Variants in FGGY observed in about 807,000 individuals in gnomAD.
FGGY encodes FGGY carbohydrate kinase domain containing.
A neutral mutation model predicts 71.3 loss-of-function variants in FGGY; 72 were observed. The observed-to-expected ratio is 1.01, with a 90% CI of 0.84 to 1.23. FGGY has a LOEUF of 1.23. FGGY is among the 50% of genes most tolerant of loss of function. The probability of loss-of-function intolerance (pLI) is 0.00; values close to 1 mark genes in which losing one functional copy is unlikely to be tolerated. For missense variants in FGGY, 668 were observed against 682.3 expected, an observed-to-expected ratio of 0.98 and a Z score of 0.23; for synonymous variants, 251 against 250.3, an observed-to-expected ratio of 1.00 and a Z score of -0.02.
rs1570730106 is a variant in FGGY at position 59,346,400 on chromosome 1, T to G, written c.465+2T>G. 3 of 1,610,922 alleles carry G rather than the reference T, an allele frequency of 1.9e-6. No homozygotes were observed. The highest frequency in any genetic ancestry group is 2.5e-6 in the Non-Finnish European group (3 of 1,179,340). On this transcript the variant is annotated splice_donor_variant, in intron 4 of 15. Transcript: ENST00000303721. LOFTEE classifies it high-confidence loss of function. ...CCGAAACTTCTGTGGCTGAAAGAGG[T>G]GAGTGCATAGGGTCTAAGAGAAGAT...
At chr1:59,560,251 A>T (rs1397833250) in intron 8 of FGGY, among the ~76,000 whole-genome samples, 1 of 152,236 alleles carries the variant, frequency 6.6e-6, no homozygotes, top group Non-Finnish European at 1.5e-5. Flanking sequence ...GACATCCTAT[A>T]AAATACTTGA....
chr1:59,572,270 C>T (rs1428117791), intron 8 of FGGY, among the ~76,000 whole-genome samples: 4 of 151,816 alleles, frequency 2.6e-5, no homozygotes, highest in African/African-American at 9.7e-5. Context: ...GAGAGCCTGA[C>T]GGGGAGGGAG....
chr1:59,474,501 C>G (rs536345791), intron 6 of FGGY, among the ~76,000 whole-genome samples: 2 of 152,332 alleles, frequency 1.3e-5, no homozygotes, highest in South Asian at 4.1e-4. Context: ...GGTGGTTCTA[C>G]TCCTTCCTGC....
At chr1:59,439,662 C>G (rs2069292898) in intron 5 of FGGY, among the ~76,000 whole-genome samples, 1 of 152,096 alleles carries the variant, frequency 6.6e-6, no homozygotes, top group African/African-American at 2.4e-5. Flanking sequence ...GAAATTTATG[C>G]TTATTGCTTT....
At chr1:59,324,653 AG>A (rs1365021921) in intron 2 of FGGY, among the ~76,000 whole-genome samples, 1 of 152,200 alleles carries the variant, frequency 6.6e-6, no homozygotes, top group Admixed American at 6.5e-5. Context: ...GAAGAGGTTC[AG>A]TAAGCAGCCT....
chr1:59,315,454 C>T (rs1424933162), intron 1 of FGGY: 6 of 151,368 alleles, frequency 4.0e-5, no homozygotes, highest in Non-Finnish European at 7.4e-5. Flanking sequence ...CTCCCCACCA[C>T]ACTTCCCTTT....
intron 7 of FGGY, among the ~76,000 whole-genome samples, chr1:59,541,118 A>T (rs2095433622): frequency 6.6e-6 from 1 of 152,076 alleles, no homozygotes; most frequent in Non-Finnish European, 1.5e-5. Flanking sequence ...AATGTATTAG[A>T]TAGAATTGCA....
intron 9 of FGGY, among the ~76,000 whole-genome samples, chr1:59,620,806 C>G (rs2096799264): frequency 6.6e-6 from 1 of 151,902 alleles, no homozygotes; most frequent in South Asian, 2.1e-4. Flanking sequence ...TTCTACTTAC[C>G]ACTCCTATCC....
At chr1:59,549,058 A>G (rs1164596476) in intron 7 of FGGY, among the ~76,000 whole-genome samples, 1 of 152,198 alleles carries the variant, frequency 6.6e-6, no homozygotes, top group African/African-American at 2.4e-5. Flanking sequence ...AGTCAAAATA[A>G]TGGACTTCAG....
At chr1:59,663,550 C>CCACA (rs1201273295) in intron 12 of FGGY, among the ~76,000 whole-genome samples, 3 of 152,130 alleles carry the variant, frequency 2.0e-5, no homozygotes, top group African/African-American at 7.2e-5. Flanking sequence ...TTCTCAAGTA[C>CCACA]CACACACTTG....
intron 1 of FGGY, among the ~76,000 whole-genome samples, chr1:59,301,676 G>A (rs1372886965): frequency 8.9e-6 from 1 of 111,810 alleles, no homozygotes; most frequent in East Asian, 2.5e-4. Context: ...TTGTAATTTT[G>A]TTGTTTTTCC....
intron 8 of FGGY, among the ~76,000 whole-genome samples, chr1:59,559,358 C>T (rs1404500025): frequency 6.6e-6 from 1 of 152,152 alleles, no homozygotes; most frequent in Non-Finnish European, 1.5e-5. Flanking sequence ...ATTTATGTTC[C>T]TCTGCTGCAG....
chr1:59,465,045 G>A (rs1176560752), intron 6 of FGGY, among the ~76,000 whole-genome samples: 1 of 152,174 alleles, frequency 6.6e-6, no homozygotes, highest in Non-Finnish European at 1.5e-5. Flanking sequence ...CCAATGCCTG[G>A]CAGAAGCACA....
At chr1:59,483,128 A>G (rs539566959) in intron 6 of FGGY, among the ~76,000 whole-genome samples, 49 of 152,256 alleles carry the variant, frequency 3.2e-4, no homozygotes, top group African/African-American at 8.7e-4. Flanking sequence ...TACATCCTGG[A>G]GGGTCAGCAA....
At chr1:59,596,331 GAATTTACCA>G (rs2096524476) in intron 8 of FGGY, among the ~76,000 whole-genome samples, 1 of 149,930 alleles carries the variant, frequency 6.7e-6, no homozygotes, top group African/African-American at 2.5e-5. Context: ...TACCTCTCTT[GAATTTACCA>G]AGGGACATAT....
At position 59,688,096 on chromosome 1, in the gene FGGY, G is replaced by A. The variant is rs541811764; in HGVS notation, c.1512+13963G>A. ...CAGCTGAGTTTGGCATTGAGGCCAG[G>A]AGCCTCAGGTAGCTTACCCCCTCTC... On this transcript the variant is annotated intron_variant, in intron 14 of 15. Coordinates refer to ENST00000303721, the MANE Select transcript of FGGY (RefSeq NM_018291.5). Among the ~76,000 whole-genome samples the A allele has an allele frequency of 4.6e-5, 7 of 152,294 alleles. No homozygotes were observed. In the South Asian group the frequency reaches 1.2e-3, roughly 27 times the overall value.
At chr1:59,316,695 G>A (rs1450810984) in intron 1 of FGGY, among the ~76,000 whole-genome samples, 2 of 152,052 alleles carry the variant, frequency 1.3e-5, no homozygotes, top group Admixed American at 6.5e-5. Flanking sequence ...TCATAAATAG[G>A]GGCTAAAAGT....
intron 6 of FGGY, among the ~76,000 whole-genome samples, chr1:59,486,054 C>T (rs1339270636): frequency 6.6e-6 from 1 of 152,170 alleles, no homozygotes; most frequent in Non-Finnish European, 1.5e-5. Flanking sequence ...TGGCACATCA[C>T]TTAGAGCCCC....
chr1:59,690,219 AG>A (rs998266113), intron 14 of FGGY, among the ~76,000 whole-genome samples: 2 of 152,170 alleles, frequency 1.3e-5, no homozygotes, highest in Non-Finnish European at 2.9e-5. Context: ...CCTGTCTTCA[AG>A]GGGCCCCTAA....
Sources: gnomAD v4.1 joint callset for allele counts (sites outside exome capture counted in the v4.1 genomes callset) on GRCh38, gnomAD v4.1.1 for gene constraint, MANE v1.5 for transcripts, NCBI Gene and HGNC (gene_info 2026-07-23, HGNC 2026-07-21) for gene names.